Variants in PRMT8 observed in about 807,000 individuals in gnomAD.
PRMT8 encodes protein arginine methyltransferase 8.
A neutral mutation model predicts 47.1 loss-of-function variants in PRMT8; 7 were observed. The ratio of observed to expected loss-of-function variants is 0.15; its 90% CI spans 0.08 to 0.28. PRMT8 has a LOEUF of 0.28. Ranked by LOEUF, PRMT8 falls within the 10% of genes least tolerant of loss-of-function variation. The pLI, the probability that PRMT8 is intolerant of heterozygous loss-of-function variation, is 1.00. For synonymous variants in PRMT8, 188 were observed against 186.5 expected (o/e 1.01, Z -0.07); for missense variants, 237 against 505.4 (o/e 0.47, Z 5.09).
Position 3,570,388 on chromosome 12 carries a change from A to G in PRMT8, c.712+824A>G, listed in dbSNP as rs17769811. Among the ~76,000 whole-genome samples, 15,400 of 152,278 alleles carry G rather than the reference A, an allele frequency of 0.1. 1,054 individuals are homozygous for G. The highest frequency in any genetic ancestry group is 0.14 in the Non-Finnish European group (9,829 of 68,018). ...GTCTCCTCAACCAGAACCAAATACA[A>G]CAAAGGAGCAAAGAACCCCTCAAAC... On this transcript the variant is annotated intron_variant, in intron 6 of 9. Transcript: ENST00000382622. This position sits in a 1 kb window ranked among gnomAD's most constrained non-coding sequence, Gnocchi z 5.5.
chr12:3,561,839 A>C (rs886162227), intron 4 of PRMT8, among the ~76,000 whole-genome samples: 6 of 152,174 alleles, frequency 3.9e-5, no homozygotes, highest in African/African-American at 1.4e-4. Context: ...TTCCTCATCT[A>C]TGAGACAGGA....
chr12:3,562,497 A>G (rs1866654145), intron 4 of PRMT8, among the ~76,000 whole-genome samples: 1 of 151,796 alleles, frequency 6.6e-6, no homozygotes, highest in South Asian at 2.1e-4. Flanking sequence ...ATCATCACAA[A>G]CTGTGAACGT....
chr12:3,533,120 CAG>C (rs1491520376), intron 1 of PRMT8, among the ~76,000 whole-genome samples: 2 of 152,302 alleles, frequency 1.3e-5, no homozygotes, highest in East Asian at 3.9e-4. Context: ...TTCTATAAAA[CAG>C]GGGGTTCCAA....
At chr12:3,586,199 T>A (rs566195553) in intron 8 of PRMT8, among the ~76,000 whole-genome samples, 13 of 151,830 alleles carry the variant, frequency 8.6e-5, no homozygotes, top group Non-Finnish European at 1.6e-4. Context: ...GGCTCTGGGG[T>A]GTTAGGGATG....
chr12:3,443,664 C>T (rs1381352716), intron 1 of PRMT8, among the ~76,000 whole-genome samples: 1 of 152,224 alleles, frequency 6.6e-6, no homozygotes, highest in African/African-American at 2.4e-5. Flanking sequence ...CTGGAGTTAT[C>T]TTTATGAAGT....
Position 3,491,382 on chromosome 12 carries a change from G to C in PRMT8, c.-244G>C. On this transcript the variant is annotated 5_prime_UTR_variant, in exon 1 of 10. Coordinates refer to ENST00000382622, the MANE Select transcript of PRMT8 (RefSeq NM_019854.5). The stretch of plus-strand genomic sequence containing the variant: ...GTGGAGAGGGGCGGGGAGGGGGTCG[G>C]GGGCACGAGAAGAACTTGAAACCGT... 1 of 1,224,332 alleles carries C rather than the reference G, an allele frequency of 8.2e-7. No homozygotes were observed. The highest frequency in any genetic ancestry group is 3.1e-5 in the South Asian group (1 of 32,540). The allele number at this position is 1,224,332 out of a possible 1,614,324, so 75.8% of individuals were successfully genotyped here.
At chr12:3,452,007 C>G (rs1177636045) in intron 1 of PRMT8, among the ~76,000 whole-genome samples, 1 of 152,154 alleles carries the variant, frequency 6.6e-6, no homozygotes, top group Non-Finnish European at 1.5e-5. Context: ...GGATGAAAAA[C>G]GCCTCCCATG....
intron 1 of PRMT8, among the ~76,000 whole-genome samples, chr12:3,449,022 A>C (rs1158557552): frequency 1.3e-5 from 2 of 152,214 alleles, no homozygotes; most frequent in African/African-American, 2.4e-5. Context: ...TTTGCTGAGG[A>C]TAATGGCTTC....
intron 1 of PRMT8, among the ~76,000 whole-genome samples, chr12:3,417,146 C>A (rs891105172): frequency 6.6e-6 from 1 of 152,150 alleles, no homozygotes; most frequent in African/African-American, 2.4e-5. Flanking sequence ...ATTTATAAAC[C>A]AAGGATGTTT....
chr12:3,473,126 C>A (rs140181881), intron 1 of PRMT8, among the ~76,000 whole-genome samples: 1 of 152,156 alleles, frequency 6.6e-6, no homozygotes, highest in Admixed American at 6.5e-5. Context: ...CTTCTATATA[C>A]AGTAGAAAGT....
At chr12:3,568,921 A>G in intron 5 of PRMT8, 73 bp downstream of exon 5, 1 of 1,587,670 alleles carries the variant, frequency 6.3e-7, no homozygotes. Context: ...CCTGCAGCCT[A>G]GGAGGCATAC....
intron 1 of PRMT8, among the ~76,000 whole-genome samples, chr12:3,476,282 A>C (rs772124819): frequency 6.6e-6 from 1 of 152,196 alleles, no homozygotes; most frequent in Non-Finnish European, 1.5e-5. Context: ...CTTTCCGCAG[A>C]GGTCTTTAAA....
intron 1 of PRMT8, among the ~76,000 whole-genome samples, chr12:3,518,145 G>T (rs1865825141): frequency 1.3e-5 from 2 of 152,162 alleles, no homozygotes; most frequent in African/African-American, 4.8e-5. Flanking sequence ...TAGAGGACAG[G>T]GAGACTGGGG....
intron 7 of PRMT8, among the ~76,000 whole-genome samples, chr12:3,579,284 T>C (rs1165552683): frequency 6.6e-6 from 1 of 152,092 alleles, no homozygotes. Flanking sequence ...CCCAGGTTGC[T>C]CTCTGCCCCT....
intron 1 of PRMT8, among the ~76,000 whole-genome samples, chr12:3,435,737 G>T (rs183455698): frequency 6.6e-6 from 1 of 151,936 alleles, no homozygotes; most frequent in East Asian, 2.0e-4. Context: ...AGCCAGGATG[G>T]TCTCGATCTC....
chr12:3,433,622 T>C (rs1464821222), intron 1 of PRMT8, among the ~76,000 whole-genome samples: 3 of 152,170 alleles, frequency 2.0e-5, no homozygotes, highest in South Asian at 4.1e-4. Flanking sequence ...ACAAGATTTT[T>C]TTTTTTTTAG....
intron 1 of PRMT8, among the ~76,000 whole-genome samples, chr12:3,385,633 A>G (rs1800929769): frequency 1.3e-5 from 2 of 152,248 alleles, no homozygotes; most frequent in Admixed American, 6.5e-5. Flanking sequence ...TCTTAAGCAA[A>G]GATATGACTA....
At chr12:3,554,101 CA>C (rs1441706028) in intron 4 of PRMT8, among the ~76,000 whole-genome samples, 2 of 152,206 alleles carry the variant, frequency 1.3e-5, no homozygotes, top group African/African-American at 4.8e-5. Flanking sequence ...ACCACCTGCC[CA>C]GGGGCATCAT....
At chr12:3,435,607 C>T (rs143592107) in intron 1 of PRMT8, among the ~76,000 whole-genome samples, 87 of 150,952 alleles carry the variant, frequency 5.8e-4, no homozygotes, top group African/African-American at 1.8e-3. Flanking sequence ...CTGCAAGCTC[C>T]GCCTCCCGGG....
Sources: gnomAD v4.1 joint callset for allele counts (sites outside exome capture counted in the v4.1 genomes callset) on GRCh38, gnomAD v4.1.1 for gene constraint, Gnocchi (gnomAD v3.1) non-coding constraint, MANE v1.5 for transcripts, NCBI Gene and HGNC (gene_info 2026-07-23, HGNC 2026-07-21) for gene names.